The following CSPG5 variants were observed in gnomAD, a reference collection of about 807,000 sequenced individuals.
CSPG5 encodes acidic leucine-rich EGF-like domain-containing brain protein.
A neutral mutation model predicts 39.8 loss-of-function variants in CSPG5; 25 were observed. The observed-to-expected ratio is 0.63, with a 90% confidence interval of 0.46 to 0.88. CSPG5 has a LOEUF of 0.88. Among genes scored for constraint, CSPG5 ranks in the 40% least tolerant of loss-of-function variants. The pLI is 0.00. For missense variants in CSPG5, 627 were observed against 702.2 expected (o/e 0.89, Z 1.21); for synonymous variants, 295 against 303.9 (o/e 0.97, Z 0.31).
chr3:47,576,826 C>T lies in CSPG5; in HGVS notation c.1193+7G>A, dbSNP rs1443935563. On this transcript the variant is annotated splice_region_variant and intron_variant, in intron 2 of 4. Transcript: ENST00000264723. ...TGTCCCTATGCACCTGCCTGCCATG[C>T]CCTTACCTGCAGAAGGCCCCTATGT... is the stretch of plus-strand genomic sequence containing the variant. 6.5e-7 allele frequency: 1 copy of T among 1,546,360 alleles called. No homozygotes were observed. The highest frequency in any genetic ancestry group is 8.7e-7 in the Non-Finnish European group (1 of 1,145,070).
rs184318494 is a variant in CSPG5 at position 47,567,061 on chromosome 3, A to G, written c.1458+2091T>C. On this transcript the variant is annotated intron_variant, in intron 4 of 4. Transcript: ENST00000264723. ...CAAGAAACCTTCGCACCGGCTGTGT[A>G]GCCAAGCCCTCCAAGAGGAGCTCTT... Among the ~76,000 whole-genome samples, 74 of 152,378 alleles carry G rather than the reference A, an allele frequency of 4.9e-4. No homozygotes were observed. The East Asian group carries it at 0.013, about 26-fold the overall frequency.
chr3:47,577,974 A>T lies in CSPG5; in HGVS notation c.98-46T>A, dbSNP rs1336215547. On this transcript the variant is annotated intron_variant, in intron 1 of 4. Coordinates refer to ENST00000264723, the MANE Select transcript of CSPG5 (RefSeq NM_006574.4). The surrounding 1 kb of genome is among the most constrained non-coding windows in gnomAD (Gnocchi z 4.7). ...GGCGGGACGTCAGGGCGGCGCGCTG[A>T]GGAGCCCTGGAGCCCCGGCCCGCCC... 1 of 1,376,570 alleles carries T rather than the reference A, an allele frequency of 7.3e-7. No homozygotes were observed. The highest frequency in any genetic ancestry group is 2.9e-5 in the East Asian group (1 of 33,934). 85.3% of individuals were successfully genotyped at this position (1,376,570 alleles called of 1,614,324 possible).
At position 47,577,627 on chromosome 3, in the gene CSPG5, G is replaced by T; in HGVS notation, c.399C>A (p.Val133=). Residue 133 remains valine, a synonymous_variant, in exon 2 of 5, where the codon GTC becomes GTA. Coordinates refer to ENST00000264723, the MANE Select transcript of CSPG5 (RefSeq NM_006574.4). The surrounding 1 kb of genome is among the most constrained non-coding windows in gnomAD (Gnocchi z 4.7). The stretch of plus-strand genomic sequence containing the variant: ...CAGGGGGCATGATTGACTGCCCGAG[G>T]ACCTCGTGGGGAGCCTGGAGCGTAG... ...LPATLQAPHE[V]LGQSIMPPAI... 1 of 1,610,688 alleles carries T rather than the reference G, an allele frequency of 6.2e-7. No individual in the cohort carries two copies. Among genetic ancestry groups the T allele is most frequent in the Non-Finnish European group, 8.5e-7 (1 of 1,179,490 alleles).
At chr3:47,564,890 T>C (rs2031233022) in intron 4 of CSPG5, among the ~76,000 whole-genome samples, 2 of 152,096 alleles carry the variant, frequency 1.3e-5, no homozygotes, top group African/African-American at 4.8e-5. Flanking sequence ...GGGGAAACCA[T>C]GGTCATGAAA....
rs2031873594 is a variant in CSPG5 at position 47,578,572 on chromosome 3, G to T, written c.97+25C>A. On this transcript the variant is annotated intron_variant, in intron 1 of 4. Transcript: ENST00000264723. The surrounding 1 kb of genome is among the most constrained non-coding windows in gnomAD (Gnocchi z 6.0). Reference sequence around the variant, plus strand: ...CCTGGGTGGGGCACGAGGGCCGCGGGGGTCCCGGGCGCAGTCATACCTACC... The same window carrying T: ...CCTGGGTGGGGCACGAGGGCCGCGGTGGTCCCGGGCGCAGTCATACCTACC... The T allele has an allele frequency of 1.9e-5, 18 of 947,556 alleles. No homozygotes were observed. The highest frequency in any genetic ancestry group is 2.3e-5 in the Non-Finnish European group (17 of 749,132). The allele number at this position is 947,556 out of a possible 1,614,324, so 58.7% of individuals were successfully genotyped here. A position where few individuals can be genotyped will look rare whatever the true frequency, so the allele number is the denominator to read the frequency against.
chr3:47,577,174 ATCCTCCTCTTCC>A lies in CSPG5; in HGVS notation c.840_851del (p.Glu280_Glu283del). ...CTCCACCTCCTACTGCATCTTTGTC[ATCCTCCTCTTCC>A]TCCTCCTCTTCATCCAAGTCATCAT... is the stretch of plus-strand genomic sequence containing the variant. On this transcript the variant is annotated inframe_deletion, in exon 2 of 5. Coordinates refer to ENST00000264723, the MANE Select transcript of CSPG5 (RefSeq NM_006574.4). This position sits in a 1 kb window ranked among gnomAD's most constrained non-coding sequence, Gnocchi z 4.7. 1 of 1,611,210 alleles carries A rather than the reference ATCCTCCTCTTCC, an allele frequency of 6.2e-7. No homozygotes were observed. The highest frequency in any genetic ancestry group is 1.1e-5 in the South Asian group (1 of 90,662).
rs1387834036 is a variant in CSPG5, at chr3:47,578,328, C to CG, written c.97+268_97+269insC. Among the ~76,000 whole-genome samples the CG allele has an allele frequency of 6.8e-6, 1 of 147,724 alleles. No individual in the cohort carries two copies. Among genetic ancestry groups the CG allele is most frequent in the Non-Finnish European group, 1.5e-5 (1 of 66,338 alleles). Reference sequence around the variant, plus strand: ...ACCCTCAGGCCCCGCCCCGGCCCCGCCCCGGCCCCGCCCCCGGCCCCGCCC... The same window carrying CG: ...ACCCTCAGGCCCCGCCCCGGCCCCGCGCCCGGCCCCGCCCCCGGCCCCGCCC... On this transcript the variant is annotated intron_variant, in intron 1 of 4. Coordinates refer to ENST00000264723, the MANE Select transcript of CSPG5 (RefSeq NM_006574.4). This position sits in a 1 kb window ranked among gnomAD's most constrained non-coding sequence, Gnocchi z 6.0.
rs1206969666 is a variant in CSPG5 at position 47,578,394 on chromosome 3, C to A, written c.97+203G>T. Among the ~76,000 whole-genome samples the A allele has an allele frequency of 1.3e-5, 2 of 149,758 alleles. No homozygotes were observed. The highest frequency in any genetic ancestry group is 1.3e-4 in the Admixed American group (2 of 15,086). On this transcript the variant is annotated intron_variant, in intron 1 of 4. Transcript: ENST00000264723. This position sits in a 1 kb window ranked among gnomAD's most constrained non-coding sequence, Gnocchi z 6.0. ...GCCCGCGCGCTTGGGTCCCGGCTACCCCAACCGGGGTCGGCCCCCACGCGG... is the reference window on the plus strand; with the variant it reads ...GCCCGCGCGCTTGGGTCCCGGCTACACCAACCGGGGTCGGCCCCCACGCGG...
Position 47,577,208 on chromosome 3 carries a change from T to C in CSPG5, c.818A>G (p.Asp273Gly). The C allele has an allele frequency of 2.5e-6, 4 of 1,607,728 alleles. No individual in the cohort carries two copies. The highest frequency in any genetic ancestry group is 3.4e-6 in the Non-Finnish European group (4 of 1,176,814). Reference sequence around the variant, plus strand: ...TTCCTCCTCCTCTTCATCCAAGTCATCATAAAAGGATGTGGTGGGGTAGAA... The same window carrying C: ...TTCCTCCTCCTCTTCATCCAAGTCACCATAAAAGGATGTGGTGGGGTAGAA... The part of the protein sequence containing the change: ...SDFYPTTSFY[D>G]DLDEEEEEEE... Residue 273 changes from aspartate to glycine, a missense_variant, in exon 2 of 5, where the codon GAT becomes GGT. Physicochemically the swap from Asp to Gly is moderately conservative, Grantham distance 94. Coordinates refer to ENST00000264723, the MANE Select transcript of CSPG5 (RefSeq NM_006574.4). This position sits in a 1 kb window ranked among gnomAD's most constrained non-coding sequence, Gnocchi z 4.7.
In CSPG5 at chr3:47,572,247, G is replaced by A. The variant is rs1053491934; in HGVS notation, c.1382+439C>T. ...GAGGAGCTGATTTTGGGTGACAGATGTGAAGGAGATGGAGTTCCTCCACGC... is the reference window on the plus strand; with the variant it reads ...GAGGAGCTGATTTTGGGTGACAGATATGAAGGAGATGGAGTTCCTCCACGC... On this transcript the variant is annotated intron_variant, in intron 3 of 4. Transcript: ENST00000264723. The surrounding 1 kb of genome is among the most constrained non-coding windows in gnomAD (Gnocchi z 4.5). Among the ~76,000 whole-genome samples the A allele has an allele frequency of 2.6e-5, 4 of 152,232 alleles. No individual in the cohort carries two copies. Among genetic ancestry groups the A allele is most frequent in the African/African-American group, 7.2e-5 (3 of 41,458 alleles).
chr3:47,567,217 T>A (rs1245771759), intron 4 of CSPG5, among the ~76,000 whole-genome samples: 1 of 152,174 alleles, frequency 6.6e-6, no homozygotes, highest in Non-Finnish European at 1.5e-5. Flanking sequence ...CCGTGGACAG[T>A]GAACATGCTG....
chr3:47,568,978 C>T, intron 4 of CSPG5, 174 bp downstream of exon 4: 3 of 1,217,372 alleles, frequency 2.5e-6, no homozygotes, highest in Non-Finnish European at 2.2e-6. Flanking sequence ...ACCTCCAGAG[C>T]TCTCTGGGGA....
chr3:47,574,481 T>G (rs1030274442), intron 2 of CSPG5, among the ~76,000 whole-genome samples: 9 of 152,332 alleles, frequency 5.9e-5, no homozygotes, highest in Admixed American at 4.6e-4. Context: ...ATATTTCTGG[T>G]AGCCCTTAAT....
chr3:47,567,651 G>T (rs1304590903), intron 4 of CSPG5, among the ~76,000 whole-genome samples: 1 of 152,132 alleles, frequency 6.6e-6, no homozygotes, highest in African/African-American at 2.4e-5. Flanking sequence ...CTGGGGTTTT[G>T]TGAATGAGGC....
In CSPG5 at chr3:47,569,368, C is replaced by T. The variant is rs536544164; in HGVS notation, c.1383-141G>A. On this transcript the variant is annotated intron_variant, in intron 3 of 4. Coordinates refer to ENST00000264723, the MANE Select transcript of CSPG5 (RefSeq NM_006574.4). The stretch of plus-strand genomic sequence containing the variant: ...CCTGTAATCCTAGCACTTTGGGAGG[C>T]TATGGTGGGCAGATCACTCGAGGTC... 5.6e-5 allele frequency: 43 copies of T among 771,362 alleles called. No homozygotes were observed. In the East Asian group the frequency reaches 1.2e-3, roughly 22 times the overall value. 47.8% of individuals were successfully genotyped at this position (771,362 alleles called of 1,614,324 possible). A position where few individuals can be genotyped will look rare whatever the true frequency, so the allele number is the denominator to read the frequency against.
intron 2 of CSPG5, among the ~76,000 whole-genome samples, chr3:47,576,166 A>G (rs543979137): frequency 2.0e-5 from 3 of 150,996 alleles, no homozygotes; most frequent in Non-Finnish European, 3.0e-5. Context: ...CGAACTCCCA[A>G]CCTCAGGTGA....
rs1186991497 is a variant in CSPG5 at position 47,577,363 on chromosome 3, A to C, written c.663T>G (p.Arg221=). 1 of 1,614,118 alleles carries C rather than the reference A, an allele frequency of 6.2e-7. No individual in the cohort carries two copies. The highest frequency in any genetic ancestry group is 8.5e-7 in the Non-Finnish European group (1 of 1,180,002). The change falls in exon 2 of 5, where the codon CGT becomes CGG. Residue 221 remains arginine, a synonymous_variant. Coordinates refer to ENST00000264723, the MANE Select transcript of CSPG5 (RefSeq NM_006574.4). The surrounding 1 kb of genome is among the most constrained non-coding windows in gnomAD (Gnocchi z 4.7). ...CTGGGAAGCTCCCCAGATCTGCGCCACGACCCTCACCATCCAGTCCTTCGA... is the reference window on the plus strand; with the variant it reads ...CTGGGAAGCTCCCCAGATCTGCGCCCCGACCCTCACCATCCAGTCCTTCGA... ...DYFEGLDGEG[R]GADLGSFPGS...
At chr3:47,571,095 T>TA (rs138935167) in intron 3 of CSPG5, among the ~76,000 whole-genome samples, 40,219 of 143,030 alleles carry the variant, frequency 0.28, 5,964 homozygotes, top group Admixed American at 0.33. Context: ...TCAATTAAAT[T>TA]AAAAAAAAAA....
chr3:47,569,336 G>A lies in CSPG5; in HGVS notation c.1383-109C>T, dbSNP rs2031438696. On this transcript the variant is annotated intron_variant, in intron 3 of 4. Transcript: ENST00000264723. ...TACTGTATTTCGGCTGGGCGTGGTG[G>A]CTCGCGCCTGTAATCCTAGCACTTT... 4 of 1,117,166 alleles carry A rather than the reference G, an allele frequency of 3.6e-6. No individual in the cohort carries two copies. The East Asian group carries it at 1.0e-4, about 29-fold the overall frequency. The allele number at this position is 1,117,166 out of a possible 1,614,324, so 69.2% of individuals were successfully genotyped here.
Sources: gnomAD v4.1 joint callset for allele counts (sites outside exome capture counted in the v4.1 genomes callset) on GRCh38, gnomAD v4.1.1 for gene constraint, Gnocchi (gnomAD v3.1) non-coding constraint, MANE v1.5 for transcripts, NCBI Gene and HGNC (gene_info 2026-07-23, HGNC 2026-07-21) for gene names.